FAM120C: variants seen among roughly 807,000 people sequenced by gnomAD.
The protein encoded by FAM120C is family with sequence similarity 120 member C.
FAM120C carries 14 observed loss-of-function variants against 71.2 expected under a neutral mutation model. That is an observed-to-expected ratio of 0.20 (90% confidence interval 0.13 to 0.31). The LOEUF (loss-of-function observed/expected upper bound fraction) is 0.31. FAM120C is among the 10% of genes least tolerant of loss of function. The pLI, the probability that FAM120C is intolerant of heterozygous loss-of-function variation, is 1.00. For missense variants in FAM120C, 500 were observed against 879.0 expected, an observed-to-expected ratio of 0.57 and a Z score of 5.45; for synonymous variants, 354 against 353.2, an observed-to-expected ratio of 1.00 and a Z score of -0.03.
chrX:54,129,655 A>G (rs1410054675), intron 9 of FAM120C, among the ~76,000 whole-genome samples: 2 of 112,157 alleles, frequency 1.8e-5, no homozygotes, highest in African/African-American at 6.5e-5. Flanking sequence ...GCACTTTGGG[A>G]GGCCAAGGCA....
intron 1 of FAM120C, among the ~76,000 whole-genome samples, chrX:54,167,459 G>GA (rs1557135311): frequency 8.9e-6 from 1 of 111,770 alleles, no homozygotes; most frequent in African/African-American, 3.3e-5. Flanking sequence ...TTGAGATTCT[G>GA]AACGACTATC....
chrX:54,128,167 C>T (rs782600853), intron 9 of FAM120C, among the ~76,000 whole-genome samples: 25 of 110,545 alleles, frequency 2.3e-4, no homozygotes, highest in Non-Finnish European at 4.5e-4. Context: ...CCCTTCTCAC[C>T]ACCCTCCCAC....
chrX:54,152,070 T>C (rs2067186665), intron 3 of FAM120C, among the ~76,000 whole-genome samples: 1 of 107,691 alleles, frequency 9.3e-6, no homozygotes, highest in Non-Finnish European at 1.9e-5. Context: ...CAGGCTGGAG[T>C]GTAGTGGTGC....
chrX:54,117,390 A>G (rs1429523342), intron 9 of FAM120C, among the ~76,000 whole-genome samples: 1 of 103,495 alleles, frequency 9.7e-6, no homozygotes, highest in Admixed American at 1.1e-4. Flanking sequence ...AAAATAAAAT[A>G]AAATAAAATA....
chrX:54,096,433 T>C (rs1046604008), intron 10 of FAM120C, among the ~76,000 whole-genome samples: 1 of 111,225 alleles, frequency 9.0e-6, no homozygotes, highest in Non-Finnish European at 1.9e-5. Context: ...AATAAAAAAA[T>C]GAAATAATTT....
chrX:54,135,733 T>C lies in FAM120C; in HGVS notation c.1259-129A>G. 6.3e-6 allele frequency: 3 copies of C among 475,832 alleles called. No individual in the cohort carries two copies. In the East Asian group the frequency reaches 1.1e-4, roughly 18 times the overall value. 39.2% of individuals were successfully genotyped at this position (475,832 alleles called of 1,213,427 possible). Reference sequence around the variant, plus strand: ...GTTACAATTTATTGAACAGCTACTATGTGCCATGCTGAGAACCTTACATAA... The same window carrying C: ...GTTACAATTTATTGAACAGCTACTACGTGCCATGCTGAGAACCTTACATAA... On this transcript the variant is annotated intron_variant, in intron 5 of 15. Transcript: ENST00000375180.
chrX:54,116,882 G>A (rs1603355708), intron 9 of FAM120C, 88 bp from the exon 10 acceptor site: 2 of 1,013,778 alleles, frequency 2.0e-6, no homozygotes, highest in East Asian at 6.2e-5. Context: ...AGGCTCCATT[G>A]CATTTCAACT....
Position 54,157,587 on chromosome X carries a change from T to C in FAM120C, c.1029+102A>G, listed in dbSNP as rs968980779. On this transcript the variant is annotated intron_variant, in intron 3 of 15. Transcript: ENST00000375180. ...CTAATATTTTTTTCTTTTGTATGTATGTGAAATATTTTAAATCTAATGTAA... is the reference window on the plus strand; with the variant it reads ...CTAATATTTTTTTCTTTTGTATGTACGTGAAATATTTTAAATCTAATGTAA... 58 of 600,868 alleles carry C rather than the reference T, an allele frequency of 9.7e-5. 1 individual carries two copies. The Admixed American group carries it at 1.9e-3, about 19-fold the overall frequency. 49.5% of individuals were successfully genotyped at this position (600,868 alleles called of 1,213,427 possible).
At chrX:54,106,791 A>T (rs1557124913) in intron 10 of FAM120C, among the ~76,000 whole-genome samples, 2 of 112,597 alleles carry the variant, frequency 1.8e-5, no homozygotes, top group Non-Finnish European at 3.7e-5. Flanking sequence ...GCCAACAAAC[A>T]TGAAAAAATG....
At chrX:54,134,212 T>C (rs1324502995) in intron 7 of FAM120C, among the ~76,000 whole-genome samples, 166 bp from the exon 8 acceptor site, 3 of 111,804 alleles carry the variant, frequency 2.7e-5, no homozygotes, top group Non-Finnish European at 5.6e-5. Flanking sequence ...CATTACTGAC[T>C]TCCTGGTTTC....
chrX:54,166,101 A>G (rs1557135131), intron 1 of FAM120C, among the ~76,000 whole-genome samples: 4 of 111,755 alleles, frequency 3.6e-5, no homozygotes, highest in East Asian at 2.8e-4. Context: ...AAACCTAACA[A>G]TGTAAGAGAA....
At chrX:54,089,635 G>T (rs1179420110) in intron 11 of FAM120C, among the ~76,000 whole-genome samples, 5 of 111,196 alleles carry the variant, frequency 4.5e-5, no homozygotes, top group African/African-American at 1.6e-4. Flanking sequence ...CTGCATTAAT[G>T]GCTACATTTA....
chrX:54,092,565 A>T (rs2066829774), intron 10 of FAM120C, among the ~76,000 whole-genome samples: 1 of 109,485 alleles, frequency 9.1e-6, no homozygotes, highest in African/African-American at 3.3e-5. Flanking sequence ...AAGGAGGAGG[A>T]GGAGACGACG....
intron 10 of FAM120C, among the ~76,000 whole-genome samples, chrX:54,094,083 C>CTTTTTTTTT (rs35721972): frequency 1.6e-5 from 1 of 61,441 alleles, no homozygotes; most frequent in Non-Finnish European, 2.8e-5. Context: ...TCCACGACTC[C>CTTTTTTTTT]TTTTTTTTTT....
rs1321525885 is a variant in FAM120C at position 54,069,585 on chromosome X, C to T, written c.*3448G>A. 9.0e-6 allele frequency: 1 copy of T among 110,608 alleles called. No individual in the cohort carries two copies. The allele number at this position is 110,608 out of a possible 1,213,427, so 9.1% of individuals were successfully genotyped here. ...ATCCTACATAAGCATTCCTGCCCCC[C>T]ACCCTCTACCTTAACCACCCTCTGT... On this transcript the variant is annotated 3_prime_UTR_variant, in exon 16 of 16. Transcript: ENST00000375180.
chrX:54,182,376 T>G, intron 1 of FAM120C, 124 bp downstream of exon 1: 1 of 834,461 alleles, frequency 1.2e-6, no homozygotes, highest in Non-Finnish European at 1.6e-6. Context: ...AGGTTAGCTG[T>G]TGGGCGGGTA....
chrX:54,101,233 T>C (rs1406789709), intron 10 of FAM120C, among the ~76,000 whole-genome samples: 1 of 111,473 alleles, frequency 9.0e-6, no homozygotes, highest in Non-Finnish European at 1.9e-5. Flanking sequence ...ATGTGAGATA[T>C]GGCTGCTCCA....
intron 3 of FAM120C, among the ~76,000 whole-genome samples, chrX:54,154,818 A>T (rs1406662851): frequency 9.0e-6 from 1 of 111,220 alleles, no homozygotes; most frequent in Non-Finnish European, 1.9e-5. Flanking sequence ...GAGAGGTCAG[A>T]GCTGAAGACA....
intron 9 of FAM120C, among the ~76,000 whole-genome samples, chrX:54,129,122 G>A (rs112756902): frequency 0.06 from 6,386 of 105,961 alleles, 156 homozygotes; most frequent in East Asian, 0.084. Context: ...CCTCCCTCCC[G>A]GACGGGGCGG....
Sources: allele counts gnomAD v4.1 joint callset (sites outside exome capture counted in the v4.1 genomes callset), GRCh38; gene constraint gnomAD v4.1.1; transcripts MANE v1.5; gene names NCBI Gene and HGNC (gene_info 2026-07-23, HGNC 2026-07-21).